SHC3: variants seen among roughly 807,000 people sequenced by gnomAD.
SHC3 encodes the protein SHC-transforming protein 3.
In SHC3, 15 loss-of-function variants were observed where a neutral mutation model predicts 60.4. The ratio of observed to expected loss-of-function variants is 0.25; its 90% CI spans 0.17 to 0.38. The LOEUF (loss-of-function observed/expected upper bound fraction) is 0.38, where lower values mean the gene tolerates loss of function less well. Ranked by LOEUF, SHC3 falls within the 10% of genes least tolerant of loss-of-function variation. The pLI is 1.00. For synonymous variants in SHC3, 294 were observed against 325.9 expected, an observed-to-expected ratio of 0.90 and a Z score of 1.05; for missense variants, 677 against 786.1, an observed-to-expected ratio of 0.86 and a Z score of 1.66.
At chr9:89,069,047 G>A (rs914525246) in intron 5 of SHC3, among the ~76,000 whole-genome samples, 1 of 152,236 alleles carries the variant, frequency 6.6e-6, no homozygotes, top group Admixed American at 6.5e-5. Flanking sequence ...AGTGGCTCAT[G>A]CCTGTAATCC....
At chr9:89,109,446 T>C (rs1288636577) in intron 2 of SHC3, 6 of 985,324 alleles carry the variant, frequency 6.1e-6, no homozygotes, top group African/African-American at 3.5e-5. Flanking sequence ...AGAGACATGA[T>C]GGAGTGAAAG....
intron 3 of SHC3, 145 bp from the exon 4 acceptor site, chr9:89,075,373 G>A: frequency 9.3e-7 from 1 of 1,076,266 alleles, no homozygotes. Flanking sequence ...GAATAAGCTG[G>A]GAGTAGGGGG....
intron 11 of SHC3, among the ~76,000 whole-genome samples, chr9:89,020,927 C>T (rs1317136882): frequency 2.6e-5 from 4 of 152,138 alleles, no homozygotes; most frequent in Non-Finnish European, 5.9e-5. Flanking sequence ...GGGAGAGCCT[C>T]CTGCCCTATG....
chr9:89,022,040 A>AT (rs1826210237), intron 11 of SHC3, among the ~76,000 whole-genome samples: 1 of 152,100 alleles, frequency 6.6e-6, no homozygotes, highest in African/African-American at 2.4e-5. Context: ...TAGCGAACAA[A>AT]GGCACAATGT....
At chr9:89,142,791 C>G (rs905597721) in intron 1 of SHC3, among the ~76,000 whole-genome samples, 3 of 152,086 alleles carry the variant, frequency 2.0e-5, no homozygotes, top group African/African-American at 7.2e-5. Flanking sequence ...TATATGCACA[C>G]CACTTGCCCA....
chr9:89,089,162 C>T (rs1267245128), intron 2 of SHC3, among the ~76,000 whole-genome samples: 1 of 152,188 alleles, frequency 6.6e-6, no homozygotes, highest in Admixed American at 6.5e-5. Flanking sequence ...CTGGATGATG[C>T]ACCAGAAGCT....
At chr9:89,047,741 A>G (rs1824797086) in intron 7 of SHC3, among the ~76,000 whole-genome samples, 1 of 152,204 alleles carries the variant, frequency 6.6e-6, no homozygotes, top group Non-Finnish European at 1.5e-5. Context: ...ATGGACAAGA[A>G]AAAGTGTTGA....
chr9:89,089,055 C>T (rs1019568118), intron 2 of SHC3: 2 of 152,244 alleles, frequency 1.3e-5, no homozygotes, highest in Non-Finnish European at 2.9e-5. Context: ...ACGGTGCTAT[C>T]GACTCGGTGG....
intron 1 of SHC3, among the ~76,000 whole-genome samples, chr9:89,130,604 A>G (rs950840632): frequency 2.0e-5 from 3 of 152,248 alleles, no homozygotes; most frequent in African/African-American, 4.8e-5. Context: ...ACTCAGGATT[A>G]AGAAACTCAC....
intron 1 of SHC3, among the ~76,000 whole-genome samples, chr9:89,124,559 C>T (rs1245400149): frequency 6.6e-6 from 1 of 152,030 alleles, no homozygotes; most frequent in African/African-American, 2.4e-5. Flanking sequence ...AAGCTGGAAA[C>T]CATCATCCTC....
At position 89,052,124 on chromosome 9, in the gene SHC3, T is replaced by A. The variant is rs144076808; in HGVS notation, c.875A>T (p.Asp292Val). Reference protein sequence around the residue: ...ILECCDGLAQDVIGSIGQAFE... With the variant: ...ILECCDGLAQVVIGSIGQAFE... Reference sequence around the variant, plus strand: ...GGCTTGTCCGATGGAGCCGATGACATCCTGGGCCAGCCCATCACAGCATTC... The same window carrying A: ...GGCTTGTCCGATGGAGCCGATGACAACCTGGGCCAGCCCATCACAGCATTC... Residue 292 changes from aspartate (D) to valine (V), a missense_variant, in exon 7 of 12, where the codon GAT becomes GTT. Coordinates refer to ENST00000375835, the MANE Select transcript of SHC3 (RefSeq NM_016848.6). 965 of 1,613,938 alleles carry A rather than the reference T, an allele frequency of 6.0e-4. 1 individual carries two copies. Among genetic ancestry groups the A allele is most frequent in the Non-Finnish European group, 7.7e-4 (908 of 1,179,974 alleles).
intron 1 of SHC3, among the ~76,000 whole-genome samples, chr9:89,156,111 T>G (rs1826619481): frequency 6.6e-6 from 1 of 152,192 alleles, no homozygotes; most frequent in Admixed American, 6.5e-5. Flanking sequence ...AGTGTGTGCT[T>G]CCCAAGGCTA....
chr9:89,157,210 C>T (rs913819243), intron 1 of SHC3, among the ~76,000 whole-genome samples: 1 of 152,138 alleles, frequency 6.6e-6, no homozygotes, highest in African/African-American at 2.4e-5. Context: ...TCAGTAACAT[C>T]CTGAGATAGA....
chr9:89,023,712 A>G (rs537238376), intron 11 of SHC3, among the ~76,000 whole-genome samples: 2 of 152,362 alleles, frequency 1.3e-5, no homozygotes, highest in East Asian at 3.9e-4. Context: ...GCAGAACAGA[A>G]TCAGAAGGTA....
chr9:89,027,563 G>A (rs539078361), intron 11 of SHC3, among the ~76,000 whole-genome samples: 17 of 147,404 alleles, frequency 1.2e-4, no homozygotes, highest in African/African-American at 1.5e-4. Flanking sequence ...TGATCCGCCC[G>A]CCTAGGCCTC....
intron 6 of SHC3, among the ~76,000 whole-genome samples, chr9:89,064,125 C>T (rs1353647777): frequency 2.6e-5 from 4 of 152,172 alleles, no homozygotes; most frequent in African/African-American, 9.7e-5. Flanking sequence ...ACAAGGCTTC[C>T]CCCTCATGAC....
At chr9:89,170,489 T>C (rs946185384) in intron 1 of SHC3, among the ~76,000 whole-genome samples, 9 of 152,054 alleles carry the variant, frequency 5.9e-5, no homozygotes, top group African/African-American at 1.9e-4. Flanking sequence ...CTACAAAAAG[T>C]AAAACAATTA....
intron 1 of SHC3, among the ~76,000 whole-genome samples, chr9:89,148,130 T>C (rs1826496129): frequency 6.6e-6 from 1 of 152,246 alleles, no homozygotes; most frequent in Non-Finnish European, 1.5e-5. Flanking sequence ...TAACTTTTTA[T>C]TTCACTTATT....
At chr9:89,135,704 A>C (rs975101198) in intron 1 of SHC3, among the ~76,000 whole-genome samples, 2 of 152,030 alleles carry the variant, frequency 1.3e-5, no homozygotes, top group Non-Finnish European at 2.9e-5. Flanking sequence ...ATTTAGACTG[A>C]CTCTGTTTAT....
Sources: gnomAD v4.1 joint callset for allele counts (sites outside exome capture counted in the v4.1 genomes callset) on GRCh38, gnomAD v4.1.1 for gene constraint, MANE v1.5 for transcripts, NCBI Gene and HGNC (gene_info 2026-07-23, HGNC 2026-07-21) for gene names.